IGF1R: variants seen among roughly 807,000 people sequenced by gnomAD.
The protein encoded by IGF1R is insulin-like growth factor 1 receptor.
In IGF1R, 44 loss-of-function variants were observed where a neutral mutation model predicts 144.6. The ratio of observed to expected loss-of-function variants is 0.30; its 90% CI spans 0.24 to 0.39. The LOEUF (loss-of-function observed/expected upper bound fraction) is 0.39, where lower values mean the gene tolerates loss of function less well. Among genes scored for constraint, IGF1R ranks in the 10% least tolerant of loss-of-function variants. IGF1R has a pLI of 1.00. For synonymous variants in IGF1R, 795 were observed against 722.8 expected (o/e 1.10, Z -1.60); for missense variants, 1,355 against 1,833.7 (o/e 0.74, Z 4.77).
At chr15:98,886,485 C>G (rs759427039) in intron 2 of IGF1R, among the ~76,000 whole-genome samples, 1 of 152,120 alleles carries the variant, frequency 6.6e-6, no homozygotes, top group Non-Finnish European at 1.5e-5. Flanking sequence ...TGGGCAAAAT[C>G]AGTTTGCTTT....
intron 2 of IGF1R, among the ~76,000 whole-genome samples, chr15:98,749,864 T>C (rs1046888939): frequency 6.7e-6 from 1 of 148,876 alleles, no homozygotes; most frequent in African/African-American, 2.5e-5. Context: ...TTTATCGTTT[T>C]AGACTTTTAA....
intron 2 of IGF1R, among the ~76,000 whole-genome samples, chr15:98,835,717 G>C (rs1490261483): frequency 2.6e-5 from 4 of 152,158 alleles, no homozygotes; most frequent in African/African-American, 9.7e-5. Context: ...ATGTGGTTGG[G>C]GTCTGGGAAT....
rs1476964454 is a variant in IGF1R at position 98,960,096 on chromosome 15, C to G, written c.*2654C>G. 1 of 233,366 alleles carries G rather than the reference C, an allele frequency of 4.3e-6. No homozygotes were observed. The highest frequency in any genetic ancestry group is 8.5e-6 in the Non-Finnish European group (1 of 118,002). 14.5% of individuals were successfully genotyped at this position (233,366 alleles called of 1,614,324 possible). A position where few individuals can be genotyped will look rare whatever the true frequency, so the allele number is the denominator to read the frequency against. On this transcript the variant is annotated 3_prime_UTR_variant, in exon 21 of 21. Coordinates refer to ENST00000650285, the MANE Select transcript of IGF1R (RefSeq NM_000875.5). ...CTTATTTTTTATATGTGTATATAGA[C>G]AAAAGAATACATCTCACCTTTCTCA...
intron 15 of IGF1R, among the ~76,000 whole-genome samples, chr15:98,933,815 C>T (rs1319975924): frequency 6.6e-6 from 1 of 152,138 alleles, no homozygotes; most frequent in Non-Finnish European, 1.5e-5. Context: ...TGCCTGTCCA[C>T]GCTGGGCACC....
In IGF1R at chr15:98,911,311, C is replaced by T. The variant is rs1026533003; in HGVS notation, c.1463-4C>T. On this transcript the variant is annotated splice_region_variant and splice_polypyrimidine_tract_variant and intron_variant, in intron 6 of 20. Coordinates refer to ENST00000650285, the MANE Select transcript of IGF1R (RefSeq NM_000875.5). ...GTCACTCACGGATGTACTCTTTGCCCCAGGTGAAAGTGACGTCCTGCATTT... is the reference window on the plus strand; with the variant it reads ...GTCACTCACGGATGTACTCTTTGCCTCAGGTGAAAGTGACGTCCTGCATTT... The T allele has an allele frequency of 2.5e-6, 4 of 1,614,088 alleles. No individual in the cohort carries two copies. The highest frequency in any genetic ancestry group is 1.7e-5 in the Admixed American group (1 of 60,014).
chr15:98,881,072 C>T (rs560060995), intron 2 of IGF1R, among the ~76,000 whole-genome samples: 2 of 152,274 alleles, frequency 1.3e-5, no homozygotes, highest in South Asian at 4.1e-4. Context: ...GTTCCATTTG[C>T]TGGAACTCAA....
intron 5 of IGF1R, among the ~76,000 whole-genome samples, chr15:98,902,511 G>A (rs907478187): frequency 6.8e-6 from 1 of 148,046 alleles, no homozygotes; most frequent in Admixed American, 7.0e-5. Context: ...TCTGCCTCCT[G>A]GGTTCAAGCG....
chr15:98,851,165 G>T (rs903441384), intron 2 of IGF1R, among the ~76,000 whole-genome samples: 1 of 152,152 alleles, frequency 6.6e-6, no homozygotes, highest in African/African-American at 2.4e-5. Flanking sequence ...TTTGTGTGTG[G>T]CCCATCCAGG....
intron 13 of IGF1R, among the ~76,000 whole-genome samples, chr15:98,925,129 G>A (rs963335069): frequency 6.6e-6 from 1 of 152,138 alleles, no homozygotes; most frequent in Non-Finnish European, 1.5e-5. Context: ...AACTCCAGAG[G>A]TCATCTGGTT....
At chr15:98,853,936 T>C (rs1379966203) in intron 2 of IGF1R, among the ~76,000 whole-genome samples, 2 of 152,222 alleles carry the variant, frequency 1.3e-5, no homozygotes, top group East Asian at 3.8e-4. Flanking sequence ...CTGCCTCAAG[T>C]TAGGCACAAC....
intron 2 of IGF1R, among the ~76,000 whole-genome samples, chr15:98,850,221 T>G (rs7176181): frequency 2.0e-5 from 3 of 152,168 alleles, no homozygotes; most frequent in African/African-American, 7.2e-5. Flanking sequence ...AAGGTCTGTG[T>G]GATAGTAGCT....
chr15:98,932,147 G>T (rs555872189), intron 15 of IGF1R, among the ~76,000 whole-genome samples: 89 of 152,294 alleles, frequency 5.8e-4, no homozygotes, highest in African/African-American at 2.0e-3. Context: ...CACATTTTGT[G>T]TCCTTCTAGA....
rs1347024658 is a variant in IGF1R at position 98,878,683 on chromosome 15, AAAAAAAAAAAAAC to A, written c.641-12639_641-12627del. ...AGACTCAAAAAAAAAAAAAAAAAAA[AAAAAAAAAAAAAC>A]AACAACAAAAAAAAGGCCAGGCACG... On this transcript the variant is annotated intron_variant, in intron 2 of 20. Coordinates refer to ENST00000650285, the MANE Select transcript of IGF1R (RefSeq NM_000875.5). Among the ~76,000 whole-genome samples, 864 of 145,354 alleles carry A rather than the reference AAAAAAAAAAAAAC, an allele frequency of 5.9e-3. 13 individuals are homozygous for A. Among genetic ancestry groups the A allele is most frequent in the African/African-American group, 0.021 (797 of 38,072 alleles).
At chr15:98,946,535 G>T (rs1362252984) in intron 19 of IGF1R, among the ~76,000 whole-genome samples, 1 of 152,218 alleles carries the variant, frequency 6.6e-6, no homozygotes, top group African/African-American at 2.4e-5. Flanking sequence ...GGGACGGAAG[G>T]AGGGTGCCAG....
intron 10 of IGF1R, among the ~76,000 whole-genome samples, chr15:98,921,520 C>T (rs1247027147): frequency 1.3e-5 from 2 of 152,084 alleles, no homozygotes; most frequent in East Asian, 1.9e-4. Flanking sequence ...TGGGTGGGCT[C>T]CAGGGACCTG....
chr15:98,901,860 G>C lies in IGF1R; in HGVS notation c.1247+2239G>C, dbSNP rs549336627. Reference sequence around the variant, plus strand: ...TCAAGGTAGGGTGGCAGGAGCAAAGGCAACGAGTTGGGGCATCCTGGGGCC... The same window carrying C: ...TCAAGGTAGGGTGGCAGGAGCAAAGCCAACGAGTTGGGGCATCCTGGGGCC... On this transcript the variant is annotated intron_variant, in intron 5 of 20. Transcript: ENST00000650285. Among the ~76,000 whole-genome samples, 384 of 152,286 alleles carry C rather than the reference G, an allele frequency of 2.5e-3. 2 individuals are homozygous for C. The highest frequency in any genetic ancestry group is 4.1e-3 in the Non-Finnish European group (279 of 68,006).
chr15:98,914,200 A>G (rs559112709), intron 8 of IGF1R, among the ~76,000 whole-genome samples: 2 of 152,344 alleles, frequency 1.3e-5, no homozygotes, highest in African/African-American at 2.4e-5. Flanking sequence ...CCATGACCCA[A>G]TCACCTCCCA....
chr15:98,862,682 GT>G (rs1172485344), intron 2 of IGF1R, among the ~76,000 whole-genome samples: 9 of 152,158 alleles, frequency 5.9e-5, no homozygotes, highest in African/African-American at 2.2e-4. Context: ...GGATTTTTGA[GT>G]TTGTCAGTCA....
intron 2 of IGF1R, among the ~76,000 whole-genome samples, chr15:98,780,684 A>G (rs746453673): frequency 2.0e-5 from 3 of 152,198 alleles, no homozygotes; most frequent in Admixed American, 6.5e-5. Context: ...TGAAATTAAC[A>G]TACTAATTAT....
Sources: gnomAD v4.1 joint callset for allele counts (sites outside exome capture counted in the v4.1 genomes callset) on GRCh38, gnomAD v4.1.1 for gene constraint, MANE v1.5 for transcripts, NCBI Gene and HGNC (gene_info 2026-07-23, HGNC 2026-07-21) for gene names.